The following ESYT1 variants were observed in gnomAD, a reference collection of about 807,000 sequenced individuals.
ESYT1 encodes extended synaptotagmin-1.
A neutral mutation model predicts 154.2 loss-of-function variants in ESYT1; 116 were observed. That is an observed-to-expected ratio of 0.75 (90% CI 0.65 to 0.88). The LOEUF is 0.88. ESYT1 is among the 40% of genes least tolerant of loss of function. ESYT1 has a pLI of 0.00. For missense variants in ESYT1, 1,264 were observed against 1,379.3 expected, an observed-to-expected ratio of 0.92 and a Z score of 1.32; for synonymous variants, 500 against 539.9, an observed-to-expected ratio of 0.93 and a Z score of 1.02.
chr12:56,132,604 G>C lies in ESYT1; in HGVS notation c.1161+7G>C. 6.2e-7 allele frequency: 1 copy of C among 1,614,186 alleles called. No homozygotes were observed. Among genetic ancestry groups the C allele is most frequent in the South Asian group, 1.1e-5 (1 of 91,084 alleles). Reference sequence around the variant, plus strand: ...GTGGGGAGAGACTTATGAGGTGGGAGAGTTGAGCAGCTCTGTGAAATGGGG... The same window carrying C: ...GTGGGGAGAGACTTATGAGGTGGGACAGTTGAGCAGCTCTGTGAAATGGGG... On this transcript the variant is annotated splice_region_variant and intron_variant, in intron 9 of 30. Coordinates refer to ENST00000394048, the MANE Select transcript of ESYT1 (RefSeq NM_015292.3).
intron 24 of ESYT1, among the ~76,000 whole-genome samples, chr12:56,140,428 C>T (rs778783885): frequency 9.9e-5 from 15 of 152,194 alleles, no homozygotes; most frequent in East Asian, 1.9e-4. Context: ...TACAGTGATA[C>T]GATCTCAGCT....
chr12:56,137,797 G>A, intron 18 of ESYT1, 35 bp from the exon 19 acceptor site: 1 of 1,611,846 alleles, frequency 6.2e-7, no homozygotes, highest in Non-Finnish European at 8.5e-7. Flanking sequence ...AGGAAAAGGA[G>A]AGAATCTTTC....
intron 1 of ESYT1, chr12:56,130,366 C>A: frequency 4.8e-6 from 3 of 622,512 alleles, no homozygotes; most frequent in Non-Finnish European, 8.7e-6. Context: ...AGGGCAACAG[C>A]GTGACCTCTA....
chr12:56,131,112 A>C lies in ESYT1; in HGVS notation c.640A>C (p.Ser214Arg), dbSNP rs1870215501. 6.2e-7 allele frequency: 1 copy of C among 1,614,022 alleles called. No homozygotes were observed. Among genetic ancestry groups the C allele is most frequent in the Non-Finnish European group, 8.5e-7 (1 of 1,180,022 alleles). ...GCAGATCCTGCTGGACTTGAACATC[A>C]GGTAATACCACTCACCACTCTTACT... is the stretch of plus-strand genomic sequence containing the variant. ...KEQILLDLNI[S>R]YVGDVQIDVE... Residue 214 changes from serine (S) to arginine (R), a missense_variant and splice_region_variant, in exon 4 of 31, where the codon AGC becomes CGC. By Grantham distance (110) the Ser-to-Arg change is moderately radical (BLOSUM62 -1). Transcript: ENST00000394048.
intron 30 of ESYT1, 33 bp from the exon 31 acceptor site, chr12:56,143,790 A>C: frequency 6.2e-7 from 1 of 1,613,700 alleles, no homozygotes; most frequent in Non-Finnish European, 8.5e-7. Context: ...ATGACACAAG[A>C]GTCATCTTTC....
chr12:56,136,676 A>G, intron 15 of ESYT1, 68 bp from the exon 16 acceptor site: 1 of 1,418,198 alleles, frequency 7.1e-7, no homozygotes, highest in South Asian at 1.4e-5. Context: ...GAGCCATGTT[A>G]TCATTTTCAC....
intron 10 of ESYT1, 77 bp from the exon 11 acceptor site, chr12:56,133,340 G>C: frequency 6.5e-7 from 1 of 1,535,018 alleles, no homozygotes; most frequent in South Asian, 1.1e-5. Flanking sequence ...TGGGTGAGTG[G>C]AGGGCCACTG....
At chr12:56,139,133 G>C in intron 24 of ESYT1, 120 bp downstream of exon 24, 1 of 724,526 alleles carries the variant, frequency 1.4e-6, no homozygotes, top group Non-Finnish European at 2.3e-6. Context: ...TTTTGAGACA[G>C]AGTCTTGCTC....
Position 56,133,844 on chromosome 12 carries a change from G to C in ESYT1, c.1444G>C (p.Val482Leu). ...PDPPSAAILV[V>L]YLDRAQDLPL... Reference sequence around the variant, plus strand: ...TCCCCCGTCAGCTGCCATCTTAGTTGTCTACCTGGATCGGGCCCAGGATCT... The same window carrying C: ...TCCCCCGTCAGCTGCCATCTTAGTTCTCTACCTGGATCGGGCCCAGGATCT... Residue 482 changes from valine (V) to leucine (L), a missense_variant, in exon 13 of 31, where the codon GTC becomes CTC. Physicochemically the swap from Val to Leu is conservative, Grantham distance 32. Coordinates refer to ENST00000394048, the MANE Select transcript of ESYT1 (RefSeq NM_015292.3). 6.2e-7 allele frequency: 1 copy of C among 1,614,182 alleles called. No individual in the cohort carries two copies. Among genetic ancestry groups the C allele is most frequent in the East Asian group, 2.2e-5 (1 of 44,882 alleles).
At chr12:56,141,515 C>T (rs760526406) in intron 24 of ESYT1, among the ~76,000 whole-genome samples, 4 of 152,028 alleles carry the variant, frequency 2.6e-5, no homozygotes, top group African/African-American at 7.2e-5. Flanking sequence ...CCAAGGCGGG[C>T]AGATCACAAG....
rs773095768 is a variant in ESYT1 at position 56,130,596 on chromosome 12, C to A, written c.405C>A (p.Asp135Glu). 6.2e-7 allele frequency: 1 copy of A among 1,613,990 alleles called. No homozygotes were observed. Among genetic ancestry groups the A allele is most frequent in the Non-Finnish European group, 8.5e-7 (1 of 1,180,034 alleles). Reference sequence around the variant, plus strand: ...CCCACCTCCAGGTCAGCTTCCCAGACGTGGAAAAGGCTGAATGGCTCAATA... The same window carrying A: ...CCCACCTCCAGGTCAGCTTCCCAGAAGTGGAAAAGGCTGAATGGCTCAATA... The part of the protein sequence containing the change: ...RELPAWVSFP[D>E]VEKAEWLNKI... Residue 135 changes from aspartate (D) to glutamate (E), a missense_variant, in exon 2 of 31, where the codon GAC becomes GAA. Coordinates refer to ENST00000394048, the MANE Select transcript of ESYT1 (RefSeq NM_015292.3).
At chr12:56,129,104 AG>A (rs1198479175) in intron 1 of ESYT1, 1 of 259,686 alleles carries the variant, frequency 3.9e-6, no homozygotes, top group Non-Finnish European at 7.6e-6. Context: ...TACCTCTCAA[AG>A]GTTTCCCTAG....
At position 56,136,725 on chromosome 12, in the gene ESYT1, C is replaced by G; in HGVS notation, c.1633-19C>G. 6.3e-7 allele frequency: 1 copy of G among 1,582,876 alleles called. No individual in the cohort carries two copies. Among genetic ancestry groups the G allele is most frequent in the Non-Finnish European group, 8.6e-7 (1 of 1,163,370 alleles). The stretch of plus-strand genomic sequence containing the variant: ...TTCCCCTAATCCCTTCACTACAGTC[C>G]TTCCTCCTGTGCCTGTAGGTGAAGG... On this transcript the variant is annotated intron_variant, in intron 15 of 30. Coordinates refer to ENST00000394048, the MANE Select transcript of ESYT1 (RefSeq NM_015292.3).
chr12:56,132,948 A>G (rs886997957), intron 10 of ESYT1, 147 bp downstream of exon 10: 23 of 672,690 alleles, frequency 3.4e-5, no homozygotes, highest in Middle Eastern at 4.1e-4. Context: ...GTGAAACCCC[A>G]TCTCTACTAA....
intron 15 of ESYT1, 88 bp downstream of exon 15, chr12:56,134,516 G>T (rs1460028959): frequency 8.7e-7 from 1 of 1,145,638 alleles, no homozygotes; most frequent in Non-Finnish European, 1.3e-6. Flanking sequence ...CTTTTCCCTT[G>T]ATTCCTATTT....
intron 1 of ESYT1, among the ~76,000 whole-genome samples, chr12:56,130,109 C>T (rs1464974876): frequency 1.3e-5 from 2 of 152,112 alleles, no homozygotes; most frequent in Non-Finnish European, 2.9e-5. Flanking sequence ...GACAGGGTTT[C>T]ACCATGCTGG....
Position 56,132,319 on chromosome 12 carries a change from C to T in ESYT1, c.971C>T (p.Ser324Phe), listed in dbSNP as rs773005777. 6.2e-7 allele frequency: 1 copy of T among 1,614,084 alleles called. No individual in the cohort carries two copies. Among genetic ancestry groups the T allele is most frequent in the Non-Finnish European group, 8.5e-7 (1 of 1,180,024 alleles). The change falls in exon 8 of 31, where the codon TCC becomes TTC. Residue 324 changes from serine to phenylalanine, a missense_variant. Ser to Phe is a radical substitution (Grantham distance 155). Coordinates refer to ENST00000394048, the MANE Select transcript of ESYT1 (RefSeq NM_015292.3). ...CTTCAAGATGTGGCTCAGTTGCGTTCCCCTCTGCCCAGGGTATGGCCTTTC... is the reference window on the plus strand; with the variant it reads ...CTTCAAGATGTGGCTCAGTTGCGTTTCCCTCTGCCCAGGGTATGGCCTTTC... ...PDLQDVAQLR[S>F]PLPRGIIRIH...
chr12:56,130,695 C>T, intron 2 of ESYT1, 72 bp downstream of exon 2: 1 of 1,613,360 alleles, frequency 6.2e-7, no homozygotes, highest in East Asian at 2.2e-5. Context: ...CAGACCCATC[C>T]TCAACCCTCA....
rs1475012696 is a variant in ESYT1, at chr12:56,134,123, A to G, written c.1487A>G (p.Asn496Ser). ...RAQDLPLKKG[N>S]KEPNPMVQLS... ...TACCCACCACAGCTGAAGAAGGGGA[A>G]CAAGGAACCCAACCCTATGGTACAA... Residue 496 changes from asparagine (N) to serine (S), a missense_variant, in exon 14 of 31, where the codon AAC becomes AGC. Physicochemically the swap from Asn to Ser is conservative, Grantham distance 46. Transcript: ENST00000394048. 1 of 1,614,024 alleles carries G rather than the reference A, an allele frequency of 6.2e-7. No individual in the cohort carries two copies. Among genetic ancestry groups the G allele is most frequent in the East Asian group, 2.2e-5 (1 of 44,894 alleles).
Sources: allele counts gnomAD v4.1 joint callset (sites outside exome capture counted in the v4.1 genomes callset), GRCh38; gene constraint gnomAD v4.1.1; transcripts MANE v1.5; gene names NCBI Gene and HGNC (gene_info 2026-07-23, HGNC 2026-07-21).